RPL18: variants seen among roughly 807,000 people sequenced by gnomAD.
RPL18 encodes the protein large ribosomal subunit protein eL18.
Under a neutral mutation model 25.0 loss-of-function variants are expected in RPL18, and 4 were observed. The ratio of observed to expected loss-of-function variants is 0.16; its 90% CI spans 0.08 to 0.37. The LOEUF (loss-of-function observed/expected upper bound fraction) is 0.37, where lower values mean the gene tolerates loss of function less well. Ranked by LOEUF, RPL18 falls within the 10% of genes least tolerant of loss-of-function variation. The probability of loss-of-function intolerance (pLI) is 1.00; values close to 1 mark genes in which losing one functional copy is unlikely to be tolerated. For missense variants in RPL18, 179 were observed against 267.9 expected (o/e 0.67, Z 2.32); for synonymous variants, 129 against 101.6 (o/e 1.27, Z -1.62).
At chr19:48,617,040 G>A (rs559508744) in intron 3 of RPL18, 1 of 702,358 alleles carries the variant, frequency 1.4e-6, no homozygotes, top group Non-Finnish European at 2.6e-6. Context: ...CCTCAGCAGA[G>A]CCTTTGACAT....
In RPL18 at chr19:48,616,643, C is replaced by CCAGCACAGCA. The variant is rs58972118; in HGVS notation, c.297+73_297+82dup. The CCAGCACAGCA allele has an allele frequency of 0.026, 24,365 of 929,292 alleles. 681 individuals carry two copies. The highest frequency in any genetic ancestry group is 0.11 in the African/African-American group (6,436 of 59,564). 57.6% of individuals were successfully genotyped at this position (929,292 alleles called of 1,614,324 possible). On this transcript the variant is annotated intron_variant, in intron 4 of 6. Coordinates refer to ENST00000549920, the MANE Select transcript of RPL18 (RefSeq NM_000979.4). ...CAGCGGTGGCAAGACTGAGGATGGA[C>CCAGCACAGCA]CAGCACAGCACAGCACAGCACAGCA...
At chr19:48,618,559 C>T (rs1444368328) in intron 1 of RPL18, 1 of 159,446 alleles carries the variant, frequency 6.3e-6, no homozygotes, top group Non-Finnish European at 1.4e-5. Flanking sequence ...GCAGCACTTA[C>T]TGTGTGCAAA....
chr19:48,617,232 A>C, intron 3 of RPL18, 84 bp downstream of exon 3: 2 of 1,054,870 alleles, frequency 1.9e-6, no homozygotes, highest in Non-Finnish European at 3.0e-6. Flanking sequence ...GGTTGCTCCC[A>C]GAGCTCCAAG....
At chr19:48,618,021 G>A (rs1974235851) in intron 1 of RPL18, 144 bp from the exon 2 acceptor site, 2 of 621,830 alleles carry the variant, frequency 3.2e-6, no homozygotes, top group Admixed American at 2.7e-5. Context: ...GGAGACCTGT[G>A]GGCTGCCACT....
At chr19:48,616,980 G>A in intron 3 of RPL18, 156 bp from the exon 4 acceptor site, 1 of 710,784 alleles carries the variant, frequency 1.4e-6, no homozygotes, top group Non-Finnish European at 2.6e-6. Context: ...AGGTCCAGCT[G>A]GGGAAAGCTC....
In RPL18 at chr19:48,617,836, G is replaced by C. The variant is rs756544243; in HGVS notation, c.45C>G (p.Arg15=). ...AGATATCCTGGCTCTTGGGCTCCTT[G>C]CGCCGAACCTTTCGGTCCTTGTTAT... The part of the protein sequence containing the change: ...IRHNKDRKVR[R]KEPKSQDIYL... The change falls in exon 2 of 7, where the codon CGC becomes CGG. Residue 15 remains arginine, a synonymous_variant. Coordinates refer to ENST00000549920, the MANE Select transcript of RPL18 (RefSeq NM_000979.4). 6.2e-7 allele frequency: 1 copy of C among 1,614,080 alleles called. No individual in the cohort carries two copies.
In RPL18 at chr19:48,615,683, T is replaced by C. The variant is rs939052007; in HGVS notation, c.491+194A>G. 27 of 654,868 alleles carry C rather than the reference T, an allele frequency of 4.1e-5. No homozygotes were observed. The Admixed American group carries it at 6.8e-4, about 17-fold the overall frequency. The allele number at this position is 654,868 out of a possible 1,614,324, so 40.6% of individuals were successfully genotyped here. ...GGTGAACTGCATGCTCCCCAGGAGA[T>C]GCCTGCTCAGGCCCTGGAAAACACA... is the stretch of plus-strand genomic sequence containing the variant. On this transcript the variant is annotated intron_variant, in intron 6 of 6. Coordinates refer to ENST00000549920, the MANE Select transcript of RPL18 (RefSeq NM_000979.4).
Position 48,616,390 on chromosome 19 carries a change from G to C in RPL18, c.298-188C>G, listed in dbSNP as rs1418561838. The C allele has an allele frequency of 8.7e-6, 6 of 693,590 alleles. No homozygotes were observed. In the South Asian group the frequency reaches 1.1e-4, roughly 13 times the overall value. 43.0% of individuals were successfully genotyped at this position (693,590 alleles called of 1,614,324 possible). A position where few individuals can be genotyped will look rare whatever the true frequency, so the allele number is the denominator to read the frequency against. On this transcript the variant is annotated intron_variant, in intron 4 of 6. Coordinates refer to ENST00000549920, the MANE Select transcript of RPL18 (RefSeq NM_000979.4). Reference sequence around the variant, plus strand: ...CGGAACTTTCACCACCACATCCCTGGTGTTATGCTAGAAACTACAGCAAGG... The same window carrying C: ...CGGAACTTTCACCACCACATCCCTGCTGTTATGCTAGAAACTACAGCAAGG...
chr19:48,616,367 G>A (rs747740107), intron 4 of RPL18, 165 bp from the exon 5 acceptor site: 7 of 793,364 alleles, frequency 8.8e-6, no homozygotes, highest in African/African-American at 3.5e-5. Flanking sequence ...AACACTTCCG[G>A]AACTTTCACC....
intron 3 of RPL18, 104 bp from the exon 4 acceptor site, chr19:48,616,928 C>T: frequency 2.5e-6 from 2 of 810,182 alleles, no homozygotes; most frequent in African/African-American, 1.7e-5. Flanking sequence ...AACGGGACCC[C>T]CCACTCACAC....
chr19:48,616,942 A>G lies in RPL18; in HGVS notation c.199-118T>C. The G allele has an allele frequency of 6.7e-6, 5 of 748,162 alleles. No homozygotes were observed. In the East Asian group the frequency reaches 1.3e-4, roughly 19 times the overall value. 46.3% of individuals were successfully genotyped at this position (748,162 alleles called of 1,614,324 possible). A position where few individuals can be genotyped will look rare whatever the true frequency, so the allele number is the denominator to read the frequency against. ...TAACGGGACCCCCCACTCACACCAC[A>G]CCCCTTAAACCCCACAGGCCTCTCC... is the stretch of plus-strand genomic sequence containing the variant. On this transcript the variant is annotated intron_variant, in intron 3 of 6. Transcript: ENST00000549920.
In RPL18 at chr19:48,619,130, A is replaced by T. The variant is rs1404079352; in HGVS notation, c.3+11T>A. The T allele has an allele frequency of 1.3e-6, 2 of 1,505,694 alleles. No homozygotes were observed. The highest frequency in any genetic ancestry group is 1.8e-6 in the Non-Finnish European group (2 of 1,116,920). The allele number at this position is 1,505,694 out of a possible 1,614,324, so 93.3% of individuals were successfully genotyped here. ...GATTATCCAGCCCCGAACGCCGCAA[A>T]GCGAGCTCACCATGATGGCGCCTCC... is the stretch of plus-strand genomic sequence containing the variant. On this transcript the variant is annotated intron_variant, in intron 1 of 6. Transcript: ENST00000549920.
intron 3 of RPL18, 25 bp downstream of exon 3, chr19:48,617,291 C>T (rs997420931): frequency 4.4e-6 from 7 of 1,579,668 alleles, no homozygotes; most frequent in Middle Eastern, 1.7e-4. Flanking sequence ...CCAGGTCTAC[C>T]GTGCTCTCTG....
intron 4 of RPL18, 175 bp from the exon 5 acceptor site, chr19:48,616,377 C>A: frequency 1.4e-6 from 1 of 721,430 alleles, no homozygotes; most frequent in Non-Finnish European, 2.3e-6. Context: ...GAACTTTCAC[C>A]ACCACATCCC....
chr19:48,618,121 T>C, intron 1 of RPL18: 1 of 383,658 alleles, frequency 2.6e-6, no homozygotes, highest in South Asian at 4.0e-5. Context: ...TCATATTAAC[T>C]TAATACAAAA....
Position 48,615,862 on chromosome 19 carries a change from G to A in RPL18, c.491+15C>T, listed in dbSNP as rs368592951. 1.2e-6 allele frequency: 2 copies of A among 1,601,800 alleles called. No individual in the cohort carries two copies. The highest frequency in any genetic ancestry group is 2.2e-5 in the South Asian group (2 of 89,622). On this transcript the variant is annotated intron_variant, in intron 6 of 6. Coordinates refer to ENST00000549920, the MANE Select transcript of RPL18 (RefSeq NM_000979.4). ...GAGTCTGGGGAGAGGGCAGGGCTGG[G>A]GGCCTGATACTCACTTGGTGTGGCT...
intron 3 of RPL18, 138 bp from the exon 4 acceptor site, chr19:48,616,962 C>T (rs955918831): frequency 2.7e-6 from 2 of 727,794 alleles, no homozygotes; most frequent in Admixed American, 2.0e-5. Flanking sequence ...CCCCACAGGC[C>T]TCTCCTCAGG....
At position 48,615,358 on chromosome 19, in the gene RPL18, A is replaced by G. The variant is rs768209815; in HGVS notation, c.*14T>C. 1.1e-5 allele frequency: 17 copies of G among 1,597,206 alleles called. No individual in the cohort carries two copies. In the South Asian group the frequency reaches 1.6e-4, roughly 15 times the overall value. Reference sequence around the variant, plus strand: ...TCAGCAAAAATCTTTTTAATAAGAGAGTAGGATCCAGGGTTAGTTTTTGTA... The same window carrying G: ...TCAGCAAAAATCTTTTTAATAAGAGGGTAGGATCCAGGGTTAGTTTTTGTA... On this transcript the variant is annotated 3_prime_UTR_variant, in exon 7 of 7. Transcript: ENST00000549920.
chr19:48,617,390 T>C lies in RPL18; in HGVS notation c.124A>G (p.Thr42Ala). 1.9e-6 allele frequency: 3 copies of C among 1,614,120 alleles called. No individual in the cohort carries two copies. Among genetic ancestry groups the C allele is most frequent in the East Asian group, 2.2e-5 (1 of 44,888 alleles). The change falls in exon 3 of 7, where the codon ACA (threonine) becomes GCA (alanine). Residue 42 changes from threonine (T) to alanine (A), a missense_variant. By Grantham distance (58) the Thr-to-Ala change is moderately conservative (BLOSUM62 0). Coordinates refer to ENST00000549920, the MANE Select transcript of RPL18 (RefSeq NM_000979.4). ...CTCTTCAACACAACCTGGTTGAATGTGGAGTTGGTTCTTCTGGCCAGAAAC... is the reference window on the plus strand; with the variant it reads ...CTCTTCAACACAACCTGGTTGAATGCGGAGTTGGTTCTTCTGGCCAGAAAC... ...YRFLARRTNS[T>A]FNQVVLKRLF...
Sources: gnomAD v4.1 joint callset for allele counts on GRCh38, gnomAD v4.1.1 for gene constraint, MANE v1.5 for transcripts, NCBI Gene and HGNC (gene_info 2026-07-23, HGNC 2026-07-21) for gene names.